PTPRN2: variants seen among roughly 807,000 people sequenced by gnomAD.
PTPRN2 encodes the protein receptor-type tyrosine-protein phosphatase N2.
PTPRN2 carries 74 observed loss-of-function variants against 118.8 expected under a neutral mutation model. The observed-to-expected ratio is 0.62, with a 90% CI of 0.52 to 0.76. The LOEUF (loss-of-function observed/expected upper bound fraction) is 0.76, where lower values mean the gene tolerates loss of function less well. Ranked by LOEUF, PTPRN2 falls within the 30% of genes least tolerant of loss-of-function variation. The pLI is 0.00. For synonymous variants in PTPRN2, 641 were observed against 608.0 expected (o/e 1.05, Z -0.80); for missense variants, 1,481 against 1,394.4 (o/e 1.06, Z -0.99).
At chr7:158,374,265 G>T (rs978996985) in intron 2 of PTPRN2, among the ~76,000 whole-genome samples, 1 of 152,152 alleles carries the variant, frequency 6.6e-6, no homozygotes, top group East Asian at 1.9e-4. Context: ...TTGTCAGGAG[G>T]AGGGAGCCAC....
chr7:157,935,994 G>A (rs563418493), intron 11 of PTPRN2, among the ~76,000 whole-genome samples: 25 of 151,112 alleles, frequency 1.7e-4, no homozygotes, highest in Admixed American at 1.4e-3. Flanking sequence ...CCTCAGGGGG[G>A]GTTTAGACAT....
chr7:157,860,569 C>G (rs762462296), intron 12 of PTPRN2, among the ~76,000 whole-genome samples: 12 of 152,366 alleles, frequency 7.9e-5, no homozygotes, highest in South Asian at 6.2e-4. Context: ...TAATTGAGTG[C>G]TGTGTGAACG....
Position 158,344,571 on chromosome 7 carries a change from C to T in PTPRN2, c.164-27639G>A, listed in dbSNP as rs149188970. On this transcript the variant is annotated intron_variant, in intron 2 of 22. Coordinates refer to ENST00000389418, the MANE Select transcript of PTPRN2 (RefSeq NM_002847.5). ...GAAATGCCACACAGGAATCTGGAAT[C>T]GCATAAAACGTGGAAAACCAGACTT... is the stretch of plus-strand genomic sequence containing the variant. Among the ~76,000 whole-genome samples the T allele has an allele frequency of 6.0e-3, 911 of 152,242 alleles. 9 individuals are homozygous for T. The highest frequency in any genetic ancestry group is 0.021 in the African/African-American group (865 of 41,532).
chr7:158,508,565 G>A (rs1822940916), intron 1 of PTPRN2, among the ~76,000 whole-genome samples: 1 of 151,904 alleles, frequency 6.6e-6, no homozygotes, highest in Non-Finnish European at 1.5e-5. Context: ...GAGCTGGAGA[G>A]GAGCAGGTGC....
At chr7:157,822,534 C>T (rs1047637482) in intron 12 of PTPRN2, among the ~76,000 whole-genome samples, 13 of 152,012 alleles carry the variant, frequency 8.6e-5, no homozygotes, top group Non-Finnish European at 2.9e-5. Context: ...CCATAATACA[C>T]TTATCCATCC....
chr7:158,130,785 G>T (rs914853089), intron 9 of PTPRN2, among the ~76,000 whole-genome samples: 2 of 144,788 alleles, frequency 1.4e-5, no homozygotes, highest in Non-Finnish European at 3.0e-5. Flanking sequence ...ATGCACATAT[G>T]CACAAACCAA....
At chr7:158,076,053 T>G (rs1243728999) in intron 11 of PTPRN2, among the ~76,000 whole-genome samples, 1 of 152,224 alleles carries the variant, frequency 6.6e-6, no homozygotes, top group Non-Finnish European at 1.5e-5. Flanking sequence ...AGAGTGCAGG[T>G]CCTTGGAGAG....
At chr7:157,802,545 C>T (rs58121346) in intron 12 of PTPRN2, among the ~76,000 whole-genome samples, 3,712 of 152,312 alleles carry the variant, frequency 0.024, 158 homozygotes, top group African/African-American at 0.085. Flanking sequence ...CTCCGGAGCG[C>T]ACCCGTCACT....
At chr7:158,034,475 G>A (rs1049342157) in intron 11 of PTPRN2, among the ~76,000 whole-genome samples, 1 of 152,196 alleles carries the variant, frequency 6.6e-6, no homozygotes, top group Non-Finnish European at 1.5e-5. Flanking sequence ...TTTTATAAGG[G>A]GGAGTTTCCC....
intron 11 of PTPRN2, among the ~76,000 whole-genome samples, chr7:157,906,014 C>T (rs189274601): frequency 3.3e-5 from 5 of 152,338 alleles, no homozygotes; most frequent in East Asian, 3.9e-4. Context: ...CCAGGGCCCC[C>T]GTGCAGGGGG....
chr7:158,162,649 G>GTCACCTGTTGTCCTGCACA (rs372232188), intron 6 of PTPRN2, among the ~76,000 whole-genome samples: 2 of 152,084 alleles, frequency 1.3e-5, no homozygotes, highest in South Asian at 4.2e-4. Context: ...GCCACTGCAC[G>GTCACCTGTTGTCCTGCACA]TCACCTGTTG....
At chr7:158,361,996 C>G (rs1482503034) in intron 2 of PTPRN2, among the ~76,000 whole-genome samples, 1 of 152,222 alleles carries the variant, frequency 6.6e-6, no homozygotes, top group East Asian at 1.9e-4. Context: ...ATCCCAGCCC[C>G]TTCCCCATCG....
At chr7:157,839,093 C>T (rs921709571) in intron 12 of PTPRN2, among the ~76,000 whole-genome samples, 2 of 152,280 alleles carry the variant, frequency 1.3e-5, no homozygotes, top group Non-Finnish European at 2.9e-5. Flanking sequence ...CCTGGGGTGG[C>T]TACAGTGTTC....
chr7:158,501,783 T>C (rs1361515487), intron 1 of PTPRN2, among the ~76,000 whole-genome samples: 1 of 152,208 alleles, frequency 6.6e-6, no homozygotes, highest in African/African-American at 2.4e-5. Flanking sequence ...TTTTATTTAT[T>C]GAGGATATGT....
rs1802308971 is a variant in PTPRN2, at chr7:157,611,161, C to A, written c.2345-7086G>T. Among the ~76,000 whole-genome samples, 1 of 152,230 alleles carries A rather than the reference C, an allele frequency of 6.6e-6. No individual in the cohort carries two copies. Among genetic ancestry groups the A allele is most frequent in the South Asian group, 2.1e-4 (1 of 4,826 alleles). On this transcript the variant is annotated intron_variant, in intron 15 of 22. Coordinates refer to ENST00000389418, the MANE Select transcript of PTPRN2 (RefSeq NM_002847.5). This position sits in a 1 kb window ranked among gnomAD's most constrained non-coding sequence, Gnocchi z 5.9. ...GAGGAGCAACAGTGGCCCCAAATGG[C>A]ATGGTCACAAGGCTGGTTTAGTGTC...
intron 11 of PTPRN2, among the ~76,000 whole-genome samples, chr7:157,906,333 C>T (rs550857706): frequency 3.8e-4 from 58 of 152,334 alleles, no homozygotes; most frequent in South Asian, 2.5e-3. Context: ...GCCGTGTCGC[C>T]GACTAACATG....
At chr7:158,487,284 G>A (rs573241845) in intron 2 of PTPRN2, among the ~76,000 whole-genome samples, 14 of 152,248 alleles carry the variant, frequency 9.2e-5, no homozygotes, top group South Asian at 2.1e-4. Context: ...TATGGGGTAC[G>A]TACCCAGAAG....
At chr7:158,052,691 T>G (rs1809427626) in intron 11 of PTPRN2, among the ~76,000 whole-genome samples, 1 of 151,352 alleles carries the variant, frequency 6.6e-6, no homozygotes, top group African/African-American at 2.4e-5. Context: ...GCCACTGCTT[T>G]GTCTCGTGGG....
At chr7:158,464,284 C>T (rs573986784) in intron 2 of PTPRN2, among the ~76,000 whole-genome samples, 1 of 15,240 alleles carries the variant, frequency 6.6e-5, no homozygotes, top group East Asian at 2.7e-3. Context: ...TCCTTACCAT[C>T]GCCATCATTG....
Sources: gnomAD v4.1 joint callset for allele counts (sites outside exome capture counted in the v4.1 genomes callset) on GRCh38, gnomAD v4.1.1 for gene constraint, Gnocchi (gnomAD v3.1) non-coding constraint, MANE v1.5 for transcripts, NCBI Gene and HGNC (gene_info 2026-07-23, HGNC 2026-07-21) for gene names.